Variants in GRM1 observed in about 807,000 individuals in gnomAD.
GRM1 encodes the protein metabotropic glutamate receptor 1.
A neutral mutation model predicts 90.9 loss-of-function variants in GRM1; 33 were observed. The ratio of observed to expected loss-of-function variants is 0.36; its 90% confidence interval spans 0.28 to 0.49. The LOEUF is 0.49. Ranked by LOEUF, GRM1 falls within the 20% of genes least tolerant of loss-of-function variation. The probability of loss-of-function intolerance (pLI) is 0.99; values close to 1 mark genes in which losing one functional copy is unlikely to be tolerated. For synonymous variants in GRM1, 700 were observed against 613.2 expected (o/e 1.14, Z -2.09); for missense variants, 1,190 against 1,534.3 (o/e 0.78, Z 3.75).
intron 2 of GRM1, among the ~76,000 whole-genome samples, chr6:146,243,610 G>A (rs1252299835): frequency 2.0e-5 from 3 of 152,040 alleles, no homozygotes; most frequent in African/African-American, 7.2e-5. Context: ...GCTTCATAAG[G>A]TAATAAAATA....
At chr6:146,280,791 T>A (rs1045225689) in intron 2 of GRM1, among the ~76,000 whole-genome samples, 1 of 151,610 alleles carries the variant, frequency 6.6e-6, no homozygotes, top group Admixed American at 6.6e-5. Flanking sequence ...CAGGTAATTT[T>A]TTTTTCTTTC....
chr6:146,232,970 T>C (rs1173525824), intron 2 of GRM1, among the ~76,000 whole-genome samples: 1 of 152,062 alleles, frequency 6.6e-6, no homozygotes, highest in Admixed American at 6.6e-5. Flanking sequence ...GTTGTGCCTC[T>C]TCTTTTATTC....
chr6:146,248,298 G>A (rs1781145721), intron 2 of GRM1, among the ~76,000 whole-genome samples: 3 of 152,166 alleles, frequency 2.0e-5, no homozygotes, highest in Admixed American at 2.0e-4. Flanking sequence ...AAGATAGGTG[G>A]ATTGGATTGT....
intron 2 of GRM1, among the ~76,000 whole-genome samples, chr6:146,263,396 GAATT>G (rs1395817574): frequency 2.0e-5 from 3 of 152,048 alleles, no homozygotes; most frequent in Non-Finnish European, 1.5e-5. Context: ...AGATTGGAAA[GAATT>G]AACCAAACAT....
chr6:146,046,101 T>A (rs1298300343), intron 1 of GRM1, among the ~76,000 whole-genome samples: 1 of 151,918 alleles, frequency 6.6e-6, no homozygotes, highest in East Asian at 1.9e-4. Flanking sequence ...CTGTAAAGAG[T>A]CTGTCTTGCC....
At chr6:146,306,760 A>G (rs1218186626) in intron 3 of GRM1, among the ~76,000 whole-genome samples, 3 of 152,158 alleles carry the variant, frequency 2.0e-5, no homozygotes, top group Non-Finnish European at 4.4e-5. Context: ...AGTGGAGAGA[A>G]GTGGTTTGAT....
At chr6:146,050,465 C>T (rs1468826721) in intron 1 of GRM1, among the ~76,000 whole-genome samples, 1 of 151,984 alleles carries the variant, frequency 6.6e-6, no homozygotes, top group African/African-American at 2.4e-5. Flanking sequence ...ACAGTAACTC[C>T]TGGAAATGAT....
intron 5 of GRM1, among the ~76,000 whole-genome samples, chr6:146,363,772 A>G (rs982020851): frequency 2.0e-5 from 3 of 152,226 alleles, no homozygotes; most frequent in African/African-American, 7.2e-5. Flanking sequence ...CTTGTATTCT[A>G]TGGAAATCAG....
intron 1 of GRM1, among the ~76,000 whole-genome samples, chr6:146,106,487 T>TTATAGGGAGGCA (rs1775303931): frequency 6.6e-6 from 1 of 152,220 alleles, no homozygotes; most frequent in Non-Finnish European, 1.5e-5. Context: ...GCCCCTATGC[T>TTATAGGGAGGCA]TATAGGAAAG....
intron 2 of GRM1, among the ~76,000 whole-genome samples, chr6:146,290,704 G>A (rs1363460687): frequency 1.3e-5 from 2 of 152,104 alleles, no homozygotes; most frequent in Non-Finnish European, 2.9e-5. Flanking sequence ...GTATTTTGAG[G>A]AGCAGATAAT....
chr6:146,408,571 T>A (rs1416911326), intron 7 of GRM1, among the ~76,000 whole-genome samples: 2 of 152,126 alleles, frequency 1.3e-5, no homozygotes, highest in East Asian at 3.9e-4. Context: ...TGAAAGTTCT[T>A]ATACTATACT....
intron 1 of GRM1, among the ~76,000 whole-genome samples, chr6:146,088,226 G>A (rs1214676529): frequency 6.6e-6 from 1 of 151,952 alleles, no homozygotes; most frequent in Non-Finnish European, 1.5e-5. Context: ...TATTTTATGT[G>A]TATATTCTTT....
At chr6:146,143,506 C>G (rs957779204) in intron 1 of GRM1, among the ~76,000 whole-genome samples, 1 of 152,122 alleles carries the variant, frequency 6.6e-6, no homozygotes, top group Admixed American at 6.5e-5. Flanking sequence ...TGAGCTTGTT[C>G]TGGAAGTGGT....
intron 6 of GRM1, among the ~76,000 whole-genome samples, chr6:146,395,450 T>A (rs1776892833): frequency 6.6e-6 from 1 of 152,120 alleles, no homozygotes; most frequent in African/African-American, 2.4e-5. Context: ...AAGTGCTTTA[T>A]GCAATGCCTT....
chr6:146,239,227 T>C (rs1010877249), intron 2 of GRM1, among the ~76,000 whole-genome samples: 3 of 152,178 alleles, frequency 2.0e-5, no homozygotes, highest in Non-Finnish European at 2.9e-5. Context: ...TCAGATGGGC[T>C]GAATTGTTTA....
chr6:146,051,467 T>C (rs1371422539), intron 1 of GRM1, among the ~76,000 whole-genome samples: 1 of 152,080 alleles, frequency 6.6e-6, no homozygotes, highest in Non-Finnish European at 1.5e-5. Flanking sequence ...GGAAGATTCA[T>C]ATAGAGAATA....
At chr6:146,224,407 C>A (rs560769306) in intron 2 of GRM1, among the ~76,000 whole-genome samples, 2 of 152,074 alleles carry the variant, frequency 1.3e-5, no homozygotes, top group Non-Finnish European at 2.9e-5. Context: ...CTAATCTTAT[C>A]CTAACAACAG....
intron 6 of GRM1, among the ~76,000 whole-genome samples, chr6:146,390,828 T>G (rs898714894): frequency 6.6e-6 from 1 of 152,072 alleles, no homozygotes; most frequent in African/African-American, 2.4e-5. Context: ...CAGCCAACTA[T>G]AAGTCCTACA....
rs142867981 is a variant in GRM1 at position 146,086,325 on chromosome 6, C to T, written c.700+56108C>T. ...TCTGTTTAAAACTTCAGCTTTCTCTCTGAGGACAAAACCTGTCCTCATGTT... is the reference window on the plus strand; with the variant it reads ...TCTGTTTAAAACTTCAGCTTTCTCTTTGAGGACAAAACCTGTCCTCATGTT... On this transcript the variant is annotated intron_variant, in intron 1 of 7. Transcript: ENST00000282753. Among the ~76,000 whole-genome samples, 173 of 152,254 alleles carry T rather than the reference C, an allele frequency of 1.1e-3. 1 individual carries two copies. Among genetic ancestry groups the T allele is most frequent in the Non-Finnish European group, 1.7e-3 (119 of 68,004 alleles).
Sources: gnomAD v4.1 joint callset for allele counts (sites outside exome capture counted in the v4.1 genomes callset) on GRCh38, gnomAD v4.1.1 for gene constraint, MANE v1.5 for transcripts, NCBI Gene and HGNC (gene_info 2026-07-23, HGNC 2026-07-21) for gene names.